The following SMOX variants were observed in gnomAD, a reference collection of about 807,000 sequenced individuals.
The protein encoded by SMOX is spermine oxidase, also known as flavin containing amine oxidase.
SMOX carries 22 observed loss-of-function variants against 51.0 expected under a neutral mutation model. The observed-to-expected ratio is 0.43, with a 90% CI of 0.31 to 0.62. The LOEUF is 0.62. Ranked by LOEUF, SMOX falls within the 20% of genes least tolerant of loss-of-function variation. The probability of loss-of-function intolerance (pLI) is 0.10; values close to 1 mark genes in which losing one functional copy is unlikely to be tolerated. For synonymous variants in SMOX, 282 were observed against 307.8 expected, an observed-to-expected ratio of 0.92 and a Z score of 0.88; for missense variants, 566 against 777.7, an observed-to-expected ratio of 0.73 and a Z score of 3.24.
Position 4,172,938 on chromosome 20 carries a change from C to T in SMOX, c.-26-2092C>T, listed in dbSNP as rs1978533501. Among the ~76,000 whole-genome samples the T allele has an allele frequency of 6.6e-6, 1 of 152,154 alleles. No homozygotes were observed. Among genetic ancestry groups the T allele is most frequent in the African/African-American group, 2.4e-5 (1 of 41,420 alleles). On this transcript the variant is annotated intron_variant, in intron 1 of 6. Coordinates refer to ENST00000305958, the MANE Select transcript of SMOX (RefSeq NM_175839.3). This position sits in a 1 kb window ranked among gnomAD's most constrained non-coding sequence, Gnocchi z 7.7. Reference sequence around the variant, plus strand: ...TTTCGGAAAAAGCCTCCTTTGTTCACCCATGTCACTTAAGGGATGTTAAGG... The same window carrying T: ...TTTCGGAAAAAGCCTCCTTTGTTCATCCATGTCACTTAAGGGATGTTAAGG...
At chr20:4,152,013 T>C (rs565447319) in intron 1 of SMOX, among the ~76,000 whole-genome samples, 1 of 152,304 alleles carries the variant, frequency 6.6e-6, no homozygotes, top group African/African-American at 2.4e-5. Flanking sequence ...ATTTTTATTT[T>C]CTTTCCACAA....
chr20:4,154,492 C>T (rs1478703492), intron 1 of SMOX, among the ~76,000 whole-genome samples: 1 of 152,106 alleles, frequency 6.6e-6, no homozygotes, highest in Non-Finnish European at 1.5e-5. Context: ...TCTCCTGCCT[C>T]AGCCTTCTGA....
In SMOX at chr20:4,167,508, T is replaced by C. The variant is rs957150950; in HGVS notation, c.-26-7522T>C. Reference sequence around the variant, plus strand: ...AAGCTTGAAGACCAAAGTGAGCCTTTAAATATCAGATAGGGCTTGGACAAG... The same window carrying C: ...AAGCTTGAAGACCAAAGTGAGCCTTCAAATATCAGATAGGGCTTGGACAAG... On this transcript the variant is annotated intron_variant, in intron 1 of 6. Coordinates refer to ENST00000305958, the MANE Select transcript of SMOX (RefSeq NM_175839.3). The surrounding 1 kb of genome is among the most constrained non-coding windows in gnomAD (Gnocchi z 4.8). Among the ~76,000 whole-genome samples the C allele has an allele frequency of 5.3e-5, 8 of 152,154 alleles. No individual in the cohort carries two copies. Among genetic ancestry groups the C allele is most frequent in the Admixed American group, 5.2e-4 (8 of 15,262 alleles).
intron 3 of SMOX, among the ~76,000 whole-genome samples, chr20:4,178,046 T>C (rs1979016384): frequency 6.6e-6 from 1 of 152,170 alleles, no homozygotes; most frequent in Non-Finnish European, 1.5e-5. Context: ...TTTTTGTTGT[T>C]GTTGTTTGTT....
rs1473301125 is a variant in SMOX at position 4,182,626 on chromosome 20, A to G, written c.1147A>G (p.Ser383Gly). The G allele has an allele frequency of 6.2e-7, 1 of 1,613,940 alleles. No homozygotes were observed. ...EEPFWGPECNSLQFVWEDEAE... is the reference protein window; with the variant it reads ...EEPFWGPECNGLQFVWEDEAE... ...GCCCTTCTGGGGCCCTGAGTGCAAC[A>G]GCCTACAGTTTGTGTGGGAGGACGA... Residue 383 changes from serine (S) to glycine (G), a missense_variant, in exon 5 of 7, where the codon AGC becomes GGC. By Grantham distance (56) the Ser-to-Gly change is moderately conservative (BLOSUM62 0). This residue lies in a region of SMOX where 347 missense variants were observed against 481.8 expected (regional missense o/e 0.72). Coordinates refer to ENST00000305958, the MANE Select transcript of SMOX (RefSeq NM_175839.3). This position sits in a 1 kb window ranked among gnomAD's most constrained non-coding sequence, Gnocchi z 8.4.
Position 4,182,941 on chromosome 20 carries a change from G to A in SMOX, c.1369+93G>A, listed in dbSNP as rs1979465050. 1 of 1,471,178 alleles carries A rather than the reference G, an allele frequency of 6.8e-7. No homozygotes were observed. The allele number at this position is 1,471,178 out of a possible 1,614,324, so 91.1% of individuals were successfully genotyped here. On this transcript the variant is annotated intron_variant, in intron 5 of 6. Coordinates refer to ENST00000305958, the MANE Select transcript of SMOX (RefSeq NM_175839.3). This position sits in a 1 kb window ranked among gnomAD's most constrained non-coding sequence, Gnocchi z 8.4. Reference sequence around the variant, plus strand: ...ACCCATGGCAGCTCTCTCCTCCCCAGACCGTGAAGCTCGGATGCTGTGCCC... The same window carrying A: ...ACCCATGGCAGCTCTCTCCTCCCCAAACCGTGAAGCTCGGATGCTGTGCCC...
At chr20:4,158,652 T>G (rs1986152112) in intron 1 of SMOX, among the ~76,000 whole-genome samples, 1 of 152,042 alleles carries the variant, frequency 6.6e-6, no homozygotes, top group South Asian at 2.1e-4. Flanking sequence ...GACACATGGG[T>G]CCTGTCTTCC....
intron 1 of SMOX, among the ~76,000 whole-genome samples, chr20:4,174,546 T>C (rs1741314): frequency 0.57 from 86,792 of 151,840 alleles, 25,116 homozygotes; most frequent in East Asian, 0.79. Context: ...ACCACAGCAG[T>C]TATGCCATGC....
chr20:4,185,583 T>G (rs910937639), intron 6 of SMOX, among the ~76,000 whole-genome samples: 1 of 97,176 alleles, frequency 1.0e-5, no homozygotes, highest in Non-Finnish European at 1.9e-5. Context: ...CACTCCAGCC[T>G]GGGTGACAGA....
At chr20:4,186,110 TG>T (rs1979711682) in intron 6 of SMOX, among the ~76,000 whole-genome samples, 1 of 152,022 alleles carries the variant, frequency 6.6e-6, no homozygotes, top group African/African-American at 2.4e-5. Flanking sequence ...AAGACCAGCC[TG>T]GGCAACAAAG....
In SMOX at chr20:4,181,718, G is replaced by A; in HGVS notation, c.436-85G>A. ...CTCAGTGCATCCAGGGGACACCTGG[G>A]AACTGGTGGGTTTGGGTTGGGGGCC... On this transcript the variant is annotated intron_variant, in intron 3 of 6. Coordinates refer to ENST00000305958, the MANE Select transcript of SMOX (RefSeq NM_175839.3). The surrounding 1 kb of genome is among the most constrained non-coding windows in gnomAD (Gnocchi z 5.6). 2 of 1,495,154 alleles carry A rather than the reference G, an allele frequency of 1.3e-6. 1 individual carries two copies. The highest frequency in any genetic ancestry group is 2.5e-5 in the South Asian group (2 of 78,872). 92.6% of individuals were successfully genotyped at this position (1,495,154 alleles called of 1,614,324 possible). A position where few individuals can be genotyped will look rare whatever the true frequency, so the allele number is the denominator to read the frequency against.
In SMOX at chr20:4,183,392, G is replaced by A. The variant is rs1005709836; in HGVS notation, c.1370-102G>A. 38 of 1,567,854 alleles carry A rather than the reference G, an allele frequency of 2.4e-5. No individual in the cohort carries two copies. Among genetic ancestry groups the A allele is most frequent in the Non-Finnish European group, 3.3e-5 (38 of 1,142,554 alleles). ...CTACCCCTGGCAGTCTGGTCCTCCC[G>A]GAGCCCTGGAGGTGGGGTGGGGGGT... On this transcript the variant is annotated intron_variant, in intron 5 of 6. Transcript: ENST00000305958. The surrounding 1 kb of genome is among the most constrained non-coding windows in gnomAD (Gnocchi z 4.3).
In SMOX at chr20:4,167,026, C is replaced by T. The variant is rs535717674; in HGVS notation, c.-26-8004C>T. Among the ~76,000 whole-genome samples, 5 of 152,274 alleles carry T rather than the reference C, an allele frequency of 3.3e-5. No homozygotes were observed. In the South Asian group the frequency reaches 6.2e-4, roughly 19 times the overall value. ...GAGGGCCAGGGGACATTGCTGGGGG[C>T]GGGGGCTCTGCTGAAAGAGGCTCCC... On this transcript the variant is annotated intron_variant, in intron 1 of 6. Coordinates refer to ENST00000305958, the MANE Select transcript of SMOX (RefSeq NM_175839.3). The surrounding 1 kb of genome is among the most constrained non-coding windows in gnomAD (Gnocchi z 4.8).
At position 4,155,668 on chromosome 20, in the gene SMOX, A is replaced by G. The variant is rs534007770; in HGVS notation, c.-27+6691A>G. Reference sequence around the variant, plus strand: ...TGCTAATGATGGGGTCGAATTAGCAATTTGCTTGGAAAAAACCATCCGGGT... The same window carrying G: ...TGCTAATGATGGGGTCGAATTAGCAGTTTGCTTGGAAAAAACCATCCGGGT... On this transcript the variant is annotated intron_variant, in intron 1 of 6. Coordinates refer to ENST00000305958, the MANE Select transcript of SMOX (RefSeq NM_175839.3). Among the ~76,000 whole-genome samples the G allele has an allele frequency of 7.9e-5, 12 of 152,164 alleles. 1 individual carries two copies. In the South Asian group the frequency reaches 2.1e-3, roughly 26 times the overall value.
intron 1 of SMOX, among the ~76,000 whole-genome samples, chr20:4,159,119 C>T (rs1986182889): frequency 6.6e-6 from 1 of 151,872 alleles, no homozygotes; most frequent in East Asian, 1.9e-4. Flanking sequence ...TTGACTTCTT[C>T]ATTAGATTTT....
rs139112875 is a variant in SMOX at position 4,175,233 on chromosome 20, A to G, written c.178A>G (p.Ile60Val). Residue 60 changes from isoleucine (I) to valine (V), a missense_variant, in exon 2 of 7, where the codon ATC becomes GTC. Physicochemically the swap from Ile to Val is conservative, Grantham distance 29. Around this residue, in one of 3 missense-constraint regions of SMOX, gnomAD observed 217 missense variants for 278.4 expected, o/e 0.78. Transcript: ENST00000305958. ...DVTVLEASSHIGGRVQSVKLG... is the reference protein window; with the variant it reads ...DVTVLEASSHVGGRVQSVKLG... ...CACTGTGCTTGAGGCTTCCAGCCAC[A>G]TCGGAGGCCGTGTGCAGAGTGTGAA... The G allele has an allele frequency of 1.2e-4, 192 of 1,614,190 alleles. 1 individual carries two copies. In the African/African-American group the frequency reaches 2.2e-3, roughly 18 times the overall value.
rs1978670266 is a variant in SMOX, at chr20:4,174,466, G to T, written c.-26-564G>T. 2.0e-5 allele frequency among the ~76,000 whole-genome samples: 3 copies of T among 151,692 alleles called. No individual in the cohort carries two copies. In the South Asian group the frequency reaches 6.3e-4, roughly 32 times the overall value. ...TCTGTGTGAGTATCCTGGGGGGTCT[G>T]TGTGAGTATCTTGGGGTCCAGGCAA... On this transcript the variant is annotated intron_variant, in intron 1 of 6. Coordinates refer to ENST00000305958, the MANE Select transcript of SMOX (RefSeq NM_175839.3).
chr20:4,175,931 G>A (rs1169714515), intron 2 of SMOX: 1 of 150,692 alleles, frequency 6.6e-6, no homozygotes, highest in Non-Finnish European at 1.5e-5. Flanking sequence ...TCTGACCATT[G>A]AGGGGTTGGG....
At chr20:4,165,112 T>A (rs1016955182) in intron 1 of SMOX, among the ~76,000 whole-genome samples, 9 of 143,126 alleles carry the variant, frequency 6.3e-5, no homozygotes, top group Non-Finnish European at 1.3e-4. Context: ...TAGAGTGCAG[T>A]GGGGTGATCT....
Sources: gnomAD v4.1 joint callset for allele counts (sites outside exome capture counted in the v4.1 genomes callset) on GRCh38, gnomAD v4.1.1 for gene constraint, gnomAD v4.1.1 regional missense constraint, Gnocchi (gnomAD v3.1) non-coding constraint, MANE v1.5 for transcripts, NCBI Gene and HGNC (gene_info 2026-07-23, HGNC 2026-07-21) for gene names.